RUFY3: variants seen among roughly 807,000 people sequenced by gnomAD.
RUFY3 encodes RUN and FYVE domain containing 3.
In RUFY3, 34 loss-of-function variants were observed where a neutral mutation model predicts 84.0. The ratio of observed to expected loss-of-function variants is 0.40; its 90% CI spans 0.31 to 0.54. RUFY3 has a LOEUF of 0.54. Among genes scored for constraint, RUFY3 ranks in the 20% least tolerant of loss-of-function variants. The pLI is 0.39. For missense variants in RUFY3, 507 were observed against 736.8 expected, an observed-to-expected ratio of 0.69 and a Z score of 3.61; for synonymous variants, 242 against 252.9, an observed-to-expected ratio of 0.96 and a Z score of 0.41.
At chr4:70,800,051 C>T in intron 14 of RUFY3, 90 bp from the exon 15 acceptor site, 1 of 1,236,762 alleles carries the variant, frequency 8.1e-7, no homozygotes, top group African/African-American at 1.5e-5. Flanking sequence ...AGCTTTATAC[C>T]CAAACTAAGG....
intron 1 of RUFY3, among the ~76,000 whole-genome samples, chr4:70,746,335 C>T (rs1273567221): frequency 6.9e-6 from 1 of 144,350 alleles, no homozygotes; most frequent in African/African-American, 2.7e-5. Flanking sequence ...CAGAGCAAGA[C>T]TCCTTAAAAA....
At chr4:70,759,403 TACC>T (rs1724640186) in intron 1 of RUFY3, among the ~76,000 whole-genome samples, 2 of 149,784 alleles carry the variant, frequency 1.3e-5, no homozygotes, top group Non-Finnish European at 3.0e-5. Context: ...TGTGTGTGTA[TACC>T]ACATTTCTTT....
chr4:70,765,359 T>C (rs1199607198), intron 4 of RUFY3, among the ~76,000 whole-genome samples: 4 of 152,028 alleles, frequency 2.6e-5, no homozygotes, highest in Admixed American at 6.6e-5. Flanking sequence ...TCTATGGTGA[T>C]AGAAATCAGG....
chr4:70,709,448 C>T (rs1740720839), intron 1 of RUFY3, among the ~76,000 whole-genome samples: 1 of 152,186 alleles, frequency 6.6e-6, no homozygotes, highest in Admixed American at 6.5e-5. Context: ...TTGGAGGATG[C>T]CCACTTTTGA....
intron 1 of RUFY3, among the ~76,000 whole-genome samples, chr4:70,747,241 A>C (rs111479957): frequency 6.6e-6 from 1 of 152,184 alleles, no homozygotes; most frequent in African/African-American, 2.4e-5. Context: ...ACTACACCAA[A>C]ATTGTTTAAA....
intron 7 of RUFY3, among the ~76,000 whole-genome samples, chr4:70,775,973 A>T (rs946076286): frequency 6.6e-6 from 1 of 151,614 alleles, no homozygotes; most frequent in Middle Eastern, 3.4e-3. Context: ...AAAAAGATAC[A>T]TGCTTTGTTT....
intron 3 of RUFY3, 126 bp downstream of exon 3, chr4:70,763,795 A>C: frequency 3.4e-6 from 4 of 1,165,966 alleles, no homozygotes; most frequent in Non-Finnish European, 4.8e-6. Context: ...GCATGATGTC[A>C]TGAATAGGTG....
At chr4:70,800,299 C>T in intron 15 of RUFY3, 94 bp downstream of exon 15, 1 of 792,968 alleles carries the variant, frequency 1.3e-6, no homozygotes, top group East Asian at 2.8e-5. Flanking sequence ...TGACACCGAC[C>T]AGACACTGAC....
intron 1 of RUFY3, among the ~76,000 whole-genome samples, chr4:70,756,820 T>A (rs1416552168): frequency 6.6e-6 from 1 of 152,144 alleles, no homozygotes; most frequent in Non-Finnish European, 1.5e-5. Flanking sequence ...TACTTCTCAG[T>A]CTTCTCCACA....
chr4:70,777,118 G>GA (rs1301653317), intron 7 of RUFY3, among the ~76,000 whole-genome samples: 2 of 152,080 alleles, frequency 1.3e-5, no homozygotes, highest in African/African-American at 4.8e-5. Context: ...TTACATGTAA[G>GA]AAAAAAATAC....
At chr4:70,746,364 A>T (rs1722217856) in intron 1 of RUFY3, among the ~76,000 whole-genome samples, 1 of 151,354 alleles carries the variant, frequency 6.6e-6, no homozygotes, top group Non-Finnish European at 1.5e-5. Context: ...AAAATTAGCC[A>T]GGCATGGTGG....
intron 1 of RUFY3, among the ~76,000 whole-genome samples, chr4:70,749,009 C>T (rs886468863): frequency 8.5e-5 from 13 of 152,164 alleles, no homozygotes. Context: ...CAGATCTAAC[C>T]CTTCTAGATC....
intron 1 of RUFY3, among the ~76,000 whole-genome samples, chr4:70,715,148 G>C (rs182455391): frequency 3.3e-5 from 5 of 152,332 alleles, no homozygotes; most frequent in African/African-American, 7.2e-5. Flanking sequence ...AGACATAATA[G>C]ATTGTGGTTC....
upstream of RUFY3, among the ~76,000 whole-genome samples, chr4:70,718,049 A>AT (rs1201660036): frequency 6.6e-6 from 1 of 151,192 alleles, no homozygotes; most frequent in East Asian, 1.9e-4. Context: ...TGCCCAGCTA[A>AT]TTTTTTTGTA....
intron 15 of RUFY3, among the ~76,000 whole-genome samples, chr4:70,802,457 A>G (rs978282395): frequency 6.6e-6 from 1 of 152,196 alleles, no homozygotes; most frequent in African/African-American, 2.4e-5. Flanking sequence ...AAATATTTCA[A>G]CCTGAATGGG....
chr4:70,734,126 C>T (rs1719898932), intron 1 of RUFY3, among the ~76,000 whole-genome samples: 1 of 152,064 alleles, frequency 6.6e-6, no homozygotes, highest in Admixed American at 6.6e-5. Context: ...TTTTCAAACA[C>T]AGACCTGTGT....
intron 6 of RUFY3, 67 bp from the exon 7 acceptor site, chr4:70,775,101 G>A (rs1727705929): frequency 3.5e-6 from 4 of 1,135,838 alleles, no homozygotes; most frequent in South Asian, 1.5e-5. Flanking sequence ...ATGGGGTGGG[G>A]TGGGGTTGGG....
chr4:70,768,649 C>G lies in RUFY3; in HGVS notation c.684C>G (p.Asp228Glu). Reference protein sequence around the residue: ...IDANFCMKGEDLDSQVGVIDF... With the variant: ...IDANFCMKGEELDSQVGVIDF... ...CCAATTTCTGTATGAAAGGAGAAGA[C>G]TTGGACTCTCAGGTATGGGAAAGAG... is the stretch of plus-strand genomic sequence containing the variant. Residue 228 changes from aspartate to glutamate, a missense_variant, in exon 5 of 18, where the codon GAC (aspartate) becomes GAG (glutamate). By Grantham distance (45) the Asp-to-Glu change is conservative (BLOSUM62 2). Around this residue, in one of 4 missense-constraint regions of RUFY3, gnomAD observed 133 missense variants for 301.1 expected, o/e 0.44. Coordinates refer to ENST00000381006, the MANE Select transcript of RUFY3 (RefSeq NM_001037442.4). 1 of 1,613,634 alleles carries G rather than the reference C, an allele frequency of 6.2e-7. No individual in the cohort carries two copies. The highest frequency in any genetic ancestry group is 8.5e-7 in the Non-Finnish European group (1 of 1,179,886).
intron 1 of RUFY3, among the ~76,000 whole-genome samples, chr4:70,758,348 A>G (rs1578108800): frequency 1.3e-5 from 2 of 152,206 alleles, no homozygotes; most frequent in Non-Finnish European, 2.9e-5. Context: ...CATTATTTGT[A>G]GGCCAGGTGT....
Sources: allele counts gnomAD v4.1 joint callset (sites outside exome capture counted in the v4.1 genomes callset), GRCh38; gene constraint gnomAD v4.1.1; regional missense constraint gnomAD v4.1.1; transcripts MANE v1.5; gene names NCBI Gene and HGNC (gene_info 2026-07-23, HGNC 2026-07-21).